Variants in LRBA observed in about 807,000 individuals in gnomAD.
LRBA encodes the protein lipopolysaccharide-responsive and beige-like anchor protein.
Under a neutral mutation model 330.0 loss-of-function variants are expected in LRBA, and 176 were observed. The ratio of observed to expected loss-of-function variants is 0.53; its 90% CI spans 0.47 to 0.60. The LOEUF (loss-of-function observed/expected upper bound fraction) is 0.60. Among genes scored for constraint, LRBA ranks in the 20% least tolerant of loss-of-function variants. The pLI, the probability that LRBA is intolerant of heterozygous loss-of-function variation, is 0.00. For missense variants in LRBA, 3,259 were observed against 3,444.8 expected (o/e 0.95, Z 1.35); for synonymous variants, 1,230 against 1,193.0 (o/e 1.03, Z -0.64).
At chr4:150,511,814 G>A (rs973639805) in intron 40 of LRBA, among the ~76,000 whole-genome samples, 3 of 152,168 alleles carry the variant, frequency 2.0e-5, no homozygotes, top group African/African-American at 7.2e-5. Flanking sequence ...AAGTAGTGTA[G>A]CCAAGTCTAT....
intron 36 of LRBA, among the ~76,000 whole-genome samples, chr4:150,707,320 T>C (rs1452095387): frequency 6.6e-6 from 1 of 151,654 alleles, no homozygotes; most frequent in African/African-American, 2.4e-5. Flanking sequence ...AAGGTAGACA[T>C]GAGATTGTTA....
intron 47 of LRBA, among the ~76,000 whole-genome samples, chr4:150,389,087 G>T (rs142197557): frequency 6.6e-6 from 1 of 152,102 alleles, no homozygotes; most frequent in Non-Finnish European, 1.5e-5. Context: ...AGAAGAATGA[G>T]TATCTTCAAT....
intron 40 of LRBA, among the ~76,000 whole-genome samples, chr4:150,503,576 A>C (rs1449953467): frequency 6.6e-6 from 1 of 152,178 alleles, no homozygotes; most frequent in African/African-American, 2.4e-5. Context: ...ACATCCACAC[A>C]AAAAACCCAT....
At chr4:150,485,762 T>C (rs973359526) in intron 42 of LRBA, among the ~76,000 whole-genome samples, 5 of 151,988 alleles carry the variant, frequency 3.3e-5, no homozygotes, top group African/African-American at 1.2e-4. Flanking sequence ...AGCCACCCAA[T>C]TTGTGGTACT....
At chr4:151,000,671 A>G (rs1303177972) in intron 2 of LRBA, among the ~76,000 whole-genome samples, 1 of 152,166 alleles carries the variant, frequency 6.6e-6, no homozygotes, top group African/African-American at 2.4e-5. Flanking sequence ...TCATCACACT[A>G]CTCAAGAGCT....
chr4:150,636,717 G>A (rs749003618), intron 37 of LRBA, among the ~76,000 whole-genome samples: 10 of 152,168 alleles, frequency 6.6e-5, no homozygotes, highest in Non-Finnish European at 1.0e-4. Context: ...ACACAATCAC[G>A]ATTCACTGCA....
chr4:150,874,009 T>C (rs1466644861), intron 17 of LRBA, among the ~76,000 whole-genome samples: 1 of 152,190 alleles, frequency 6.6e-6, no homozygotes, highest in Non-Finnish European at 1.5e-5. Context: ...ATGTTGTATG[T>C]TTCTTTTCTT....
At chr4:150,410,167 A>C (rs1313126195) in intron 47 of LRBA, among the ~76,000 whole-genome samples, 1 of 152,106 alleles carries the variant, frequency 6.6e-6, no homozygotes, top group Admixed American at 6.6e-5. Context: ...AGTGGGGGGC[A>C]TGACAGTCTG....
At chr4:150,460,603 A>G (rs1754655548) in intron 44 of LRBA, among the ~76,000 whole-genome samples, 1 of 151,836 alleles carries the variant, frequency 6.6e-6, no homozygotes, top group Admixed American at 6.6e-5. Flanking sequence ...ACAAAAATTT[A>G]AAATTCAGTT....
In LRBA at chr4:150,852,882, A is replaced by C. The variant is rs748232369; in HGVS notation, c.2828T>G (p.Val943Gly). The C allele has an allele frequency of 2.5e-6, 4 of 1,609,928 alleles. No homozygotes were observed. Among genetic ancestry groups the C allele is most frequent in the Non-Finnish European group, 2.5e-6 (3 of 1,178,444 alleles). Residue 943 changes from valine to glycine, a missense_variant, in exon 23 of 57, where the codon GTT becomes GGT. Coordinates refer to ENST00000651943, the MANE Select transcript of LRBA (RefSeq NM_001364905.1). Reference sequence around the variant, plus strand: ...AGAACACAGCCCTATTTCTTCATCAACTTTTCCTTGCTGTTCCCTAAATAT... The same window carrying C: ...AGAACACAGCCCTATTTCTTCATCACCTTTTCCTTGCTGTTCCCTAAATAT... ...ANIFREQQGK[V>G]DEEIGLCSST...
chr4:150,286,485 C>T (rs990595031), intron 53 of LRBA, among the ~76,000 whole-genome samples: 1 of 152,128 alleles, frequency 6.6e-6, no homozygotes, highest in African/African-American at 2.4e-5. Flanking sequence ...ACTTCTGCTA[C>T]CCCCACAGTA....
chr4:150,338,080 C>T (rs906971285), intron 48 of LRBA, among the ~76,000 whole-genome samples: 2 of 152,102 alleles, frequency 1.3e-5, no homozygotes, highest in African/African-American at 4.8e-5. Context: ...TTTTGGAAAA[C>T]AGACCTCAGA....
chr4:150,363,933 A>T (rs1739073506), intron 47 of LRBA, among the ~76,000 whole-genome samples: 1 of 152,218 alleles, frequency 6.6e-6, no homozygotes, highest in Non-Finnish European at 1.5e-5. Flanking sequence ...CTGGTTTGGC[A>T]GAGTTATAGA....
chr4:150,689,034 C>CAA (rs549045394), intron 36 of LRBA, among the ~76,000 whole-genome samples: 56 of 152,286 alleles, frequency 3.7e-4, no homozygotes, highest in African/African-American at 1.3e-3. Flanking sequence ...GCACTATACA[C>CAA]AACAGCAAAG....
intron 34 of LRBA, among the ~76,000 whole-genome samples, chr4:150,781,770 C>CT (rs1173409338): frequency 1.3e-5 from 2 of 151,996 alleles, no homozygotes; most frequent in Non-Finnish European, 2.9e-5. Flanking sequence ...TATTTTGCAC[C>CT]TTTTTTTCTG....
intron 37 of LRBA, among the ~76,000 whole-genome samples, chr4:150,667,515 T>A (rs1017095930): frequency 1.3e-5 from 2 of 152,020 alleles, no homozygotes; most frequent in Non-Finnish European, 2.9e-5. Context: ...GTCAAGGAAT[T>A]TTCCCCCAAA....
chr4:150,295,115 A>C (rs963500663), intron 53 of LRBA, among the ~76,000 whole-genome samples: 15 of 151,944 alleles, frequency 9.9e-5, no homozygotes, highest in African/African-American at 3.1e-4. Context: ...ACAACTACTA[A>C]TATTTGGCAG....
chr4:150,622,688 C>CTTTTTTTTTTTTTTTTT lies in LRBA; in HGVS notation c.5922-23574_5922-23558dup, dbSNP rs10528461. 1.5e-4 allele frequency among the ~76,000 whole-genome samples: 16 copies of CTTTTTTTTTTTTTTTTT among 105,642 alleles called. 2 individuals are homozygous for CTTTTTTTTTTTTTTTTT. Among genetic ancestry groups the CTTTTTTTTTTTTTTTTT allele is most frequent in the African/African-American group, 6.6e-4 (16 of 24,112 alleles). 69.3% of individuals were successfully genotyped at this position (105,642 alleles called of 152,430 possible). A position where few individuals can be genotyped will look rare whatever the true frequency, so the allele number is the denominator to read the frequency against. On this transcript the variant is annotated intron_variant, in intron 37 of 56. Transcript: ENST00000651943. ...GAAGACAACAGTCACCTAAATCAAT[C>CTTTTTTTTTTTTTTTTT]TTTTTTTTTTTTTTTTTTTTTTTTT...
intron 43 of LRBA, among the ~76,000 whole-genome samples, chr4:150,468,096 T>C (rs1199676666): frequency 1.3e-5 from 2 of 152,056 alleles, no homozygotes; most frequent in Non-Finnish European, 2.9e-5. Context: ...CTACATTTGA[T>C]AATTTTTTTT....
Sources: gnomAD v4.1 joint callset for allele counts (sites outside exome capture counted in the v4.1 genomes callset) on GRCh38, gnomAD v4.1.1 for gene constraint, MANE v1.5 for transcripts, NCBI Gene and HGNC (gene_info 2026-07-23, HGNC 2026-07-21) for gene names.